Variants in CCDC3 observed in about 807,000 individuals in gnomAD.
CCDC3 encodes the protein coiled-coil domain containing 3, also known as coiled-coil domain-containing protein 3.
A neutral mutation model predicts 21.4 loss-of-function variants in CCDC3; 24 were observed. The observed-to-expected ratio is 1.12, with a 90% CI of 0.81 to 1.58. CCDC3 has a LOEUF of 1.58. Among genes scored for constraint, CCDC3 ranks in the 40% most tolerant of loss-of-function variants. The pLI, the probability that CCDC3 is intolerant of heterozygous loss-of-function variation, is 0.00. For synonymous variants in CCDC3, 186 were observed against 166.0 expected (o/e 1.12, Z -0.93); for missense variants, 425 against 360.9 (o/e 1.18, Z -1.44).
chr10:12,972,885 G>C (rs946851859), intron 2 of CCDC3, among the ~76,000 whole-genome samples: 1 of 152,176 alleles, frequency 6.6e-6, no homozygotes, highest in Non-Finnish European at 1.5e-5. Flanking sequence ...TCATTCAGGA[G>C]AACTGCAGTG....
chr10:13,069,042 G>C (rs1017704228), intron 4 of CCDC3, among the ~76,000 whole-genome samples: 11 of 152,160 alleles, frequency 7.2e-5, no homozygotes, highest in African/African-American at 2.7e-4. Flanking sequence ...GATCACCTGA[G>C]GTCGGGAGTT....
chr10:13,043,652 A>C (rs1444088784), intron 5 of CCDC3, among the ~76,000 whole-genome samples: 1 of 152,158 alleles, frequency 6.6e-6, no homozygotes, highest in Non-Finnish European at 1.5e-5. Flanking sequence ...AAAGACAAAG[A>C]TCTCCACCCA....
chr10:12,984,996 A>G (rs1330153928), intron 2 of CCDC3, among the ~76,000 whole-genome samples: 1 of 152,234 alleles, frequency 6.6e-6, no homozygotes, highest in Non-Finnish European at 1.5e-5. Flanking sequence ...TTACACATAT[A>G]TGTGGATATA....
Position 13,044,729 on chromosome 10 carries a change from G to A in CCDC3, c.-2+4945C>T, listed in dbSNP as rs148316774. ...GTGTTTGTTTTTGTACCAGTACTAT[G>A]CAGCTTTATATTATAGTTTGAAGTC... On this transcript the variant is annotated intron_variant, in intron 5 of 6. Transcript: ENST00000378839. Among the ~76,000 whole-genome samples, 147 of 152,260 alleles carry A rather than the reference G, an allele frequency of 9.7e-4. 1 individual carries two copies. Among genetic ancestry groups the A allele is most frequent in the African/African-American group, 3.3e-3 (138 of 41,544 alleles).
chr10:12,920,485 G>C (rs1214122687), intron 2 of CCDC3, among the ~76,000 whole-genome samples: 2 of 152,154 alleles, frequency 1.3e-5, no homozygotes, highest in Non-Finnish European at 2.9e-5. Context: ...TATTTACCCA[G>C]GGCAGAAAGT....
chr10:12,898,793 C>T (rs944135298), intron 2 of CCDC3, 114 bp from the exon 3 acceptor site: 1 of 1,268,288 alleles, frequency 7.9e-7, no homozygotes. Context: ...CCCCGATTCC[C>T]CACCCCAGCA....
At chr10:13,053,625 T>C (rs1233470412) in intron 4 of CCDC3, among the ~76,000 whole-genome samples, 1 of 152,180 alleles carries the variant, frequency 6.6e-6, no homozygotes, top group African/African-American at 2.4e-5. Context: ...CCAGAGGTGA[T>C]ACAAAAGACA....
chr10:13,069,741 T>G (rs1836861654), intron 4 of CCDC3, among the ~76,000 whole-genome samples: 1 of 152,208 alleles, frequency 6.6e-6, no homozygotes, highest in Non-Finnish European at 1.5e-5. Context: ...GTTCCAAAAT[T>G]GTATGGGATG....
At chr10:13,071,423 G>C (rs1274165842) in intron 4 of CCDC3, among the ~76,000 whole-genome samples, 1 of 152,200 alleles carries the variant, frequency 6.6e-6, no homozygotes, top group Non-Finnish European at 1.5e-5. Context: ...CACAGCACAG[G>C]TGAGCATGAC....
At chr10:13,045,981 C>A (rs1232870753) in intron 5 of CCDC3, among the ~76,000 whole-genome samples, 2 of 151,732 alleles carry the variant, frequency 1.3e-5, no homozygotes. Flanking sequence ...CCCAGCTACT[C>A]AGGAAGGCTG....
At chr10:12,994,692 C>T (rs1450028504) in intron 2 of CCDC3, among the ~76,000 whole-genome samples, 1 of 152,126 alleles carries the variant, frequency 6.6e-6, no homozygotes, top group Non-Finnish European at 1.5e-5. Context: ...CTGCTTCTGA[C>T]ATAACATGGT....
At chr10:12,907,518 A>G (rs1444525101) in intron 2 of CCDC3, among the ~76,000 whole-genome samples, 1 of 152,022 alleles carries the variant, frequency 6.6e-6, no homozygotes, top group African/African-American at 2.4e-5. Context: ...GGTGGTGCAC[A>G]CCTATACTCC....
chr10:12,964,847 G>C (rs190616392), intron 2 of CCDC3, among the ~76,000 whole-genome samples: 1 of 152,154 alleles, frequency 6.6e-6, no homozygotes, highest in East Asian at 1.9e-4. Flanking sequence ...ATTTAAAGTA[G>C]TATGTAGGAG....
At chr10:12,927,401 A>G (rs1453347474) in intron 2 of CCDC3, among the ~76,000 whole-genome samples, 3 of 152,214 alleles carry the variant, frequency 2.0e-5, no homozygotes, top group African/African-American at 7.2e-5. Context: ...AATACTAGCT[A>G]ATACTCAGTA....
At chr10:12,985,411 A>G (rs1201897908) in intron 2 of CCDC3, among the ~76,000 whole-genome samples, 1 of 152,262 alleles carries the variant, frequency 6.6e-6, no homozygotes, top group Admixed American at 6.5e-5. Flanking sequence ...ACAACCCAGC[A>G]ATGGGACTCT....
At chr10:13,002,554 T>C (rs1282838054), upstream of CCDC3, among the ~76,000 whole-genome samples, 2 of 151,980 alleles carry the variant, frequency 1.3e-5, no homozygotes, top group African/African-American at 4.8e-5. Flanking sequence ...CCCCGGATAA[T>C]TTTTTGTTTT....
At chr10:12,965,385 C>G (rs1835246116) in intron 2 of CCDC3, among the ~76,000 whole-genome samples, 2 of 152,180 alleles carry the variant, frequency 1.3e-5, no homozygotes, top group South Asian at 4.1e-4. Flanking sequence ...TCCCTCCTCC[C>G]TCCCAAAGGA....
intron 2 of CCDC3, among the ~76,000 whole-genome samples, chr10:12,968,202 T>TACACACACACACACACACAC (rs71386134): frequency 7.1e-4 from 102 of 143,578 alleles, no homozygotes; most frequent in East Asian, 2.7e-3. Flanking sequence ...CACACACACA[T>TACACACACACACACACACAC]ACACACACAC....
chr10:13,087,404 CAA>C (rs56772902), intron 3 of CCDC3, among the ~76,000 whole-genome samples: 32 of 125,716 alleles, frequency 2.5e-4, no homozygotes, highest in Admixed American at 3.1e-4. Flanking sequence ...AACTCCATCT[CAA>C]AAAAAAAAAA....
Sources: gnomAD v4.1 joint callset for allele counts (sites outside exome capture counted in the v4.1 genomes callset) on GRCh38, gnomAD v4.1.1 for gene constraint, MANE v1.5 for transcripts, NCBI Gene and HGNC (gene_info 2026-07-23, HGNC 2026-07-21) for gene names.